ANKRD6: variants seen among roughly 807,000 people sequenced by gnomAD.
The protein encoded by ANKRD6 is ankyrin repeat domain 6, also known as ankyrin repeat domain-containing protein 6.
In ANKRD6, 56 loss-of-function variants were observed where a neutral mutation model predicts 82.3. The observed-to-expected ratio is 0.68, with a 90% CI of 0.55 to 0.85. ANKRD6 has a LOEUF of 0.85. Ranked by LOEUF, ANKRD6 falls within the 40% of genes least tolerant of loss-of-function variation. The pLI, the probability that ANKRD6 is intolerant of heterozygous loss-of-function variation, is 0.00. For missense variants in ANKRD6, 852 were observed against 907.6 expected (o/e 0.94, Z 0.79); for synonymous variants, 347 against 352.1 (o/e 0.99, Z 0.16).
chr6:89,554,092 T>C (rs1487549824), intron 1 of ANKRD6, among the ~76,000 whole-genome samples: 1 of 152,206 alleles, frequency 6.6e-6, no homozygotes, highest in Non-Finnish European at 1.5e-5. Context: ...GAAGAGTTAT[T>C]GAGCATCCAT....
intron 1 of ANKRD6, among the ~76,000 whole-genome samples, chr6:89,551,091 C>A (rs962312665): frequency 2.6e-5 from 4 of 152,118 alleles, no homozygotes; most frequent in African/African-American, 9.7e-5. Flanking sequence ...TAAATTCAAT[C>A]AGAGAGAATC....
chr6:89,442,636 C>CAAAAA (rs59245345), intron 1 of ANKRD6, among the ~76,000 whole-genome samples: 3 of 97,476 alleles, frequency 3.1e-5, no homozygotes, highest in Non-Finnish European at 4.1e-5. Context: ...AACCCTGTCT[C>CAAAAA]AAAAAAAAAA....
intron 1 of ANKRD6, among the ~76,000 whole-genome samples, chr6:89,557,419 G>C (rs1030750595): frequency 1.3e-5 from 2 of 152,122 alleles, no homozygotes; most frequent in Non-Finnish European, 2.9e-5. Flanking sequence ...ATCGTCCAAG[G>C]GATGGTTAGG....
chr6:89,456,459 G>T (rs570039241), intron 1 of ANKRD6, among the ~76,000 whole-genome samples: 11 of 152,272 alleles, frequency 7.2e-5, no homozygotes, highest in African/African-American at 2.6e-4. Flanking sequence ...GGCTTCAGAT[G>T]GCCACCTTCT....
intron 1 of ANKRD6, among the ~76,000 whole-genome samples, chr6:89,440,315 C>T (rs902476274): frequency 1.3e-5 from 2 of 152,072 alleles, no homozygotes; most frequent in African/African-American, 2.4e-5. Context: ...TTAGCGATGG[C>T]GAATTGTAGG....
chr6:89,475,441 C>A (rs1018065967), intron 1 of ANKRD6, among the ~76,000 whole-genome samples: 10 of 152,152 alleles, frequency 6.6e-5, no homozygotes, highest in African/African-American at 9.7e-5. Context: ...TCAATTGATT[C>A]TGTTTGTTAG....
At chr6:89,600,596 C>T (rs1328259784) in intron 3 of ANKRD6, among the ~76,000 whole-genome samples, 1 of 152,176 alleles carries the variant, frequency 6.6e-6, no homozygotes, top group African/African-American at 2.4e-5. Context: ...GCGTGAGCTG[C>T]AGTCGCGTGG....
At chr6:89,557,062 AT>A (rs1786695530) in intron 1 of ANKRD6, among the ~76,000 whole-genome samples, 1 of 152,292 alleles carries the variant, frequency 6.6e-6, no homozygotes, top group Admixed American at 6.5e-5. Flanking sequence ...AGGGAAATAG[AT>A]AGCTAGATGA....
At chr6:89,531,444 G>GATATTTT (rs1417938279) in intron 1 of ANKRD6, among the ~76,000 whole-genome samples, 7 of 152,242 alleles carry the variant, frequency 4.6e-5, no homozygotes, top group African/African-American at 1.7e-4. Context: ...GAAGCATCTT[G>GATATTTT]ATATTTTATG....
intron 2 of ANKRD6, among the ~76,000 whole-genome samples, chr6:89,589,394 T>C (rs1457883213): frequency 6.6e-6 from 1 of 152,134 alleles, no homozygotes; most frequent in African/African-American, 2.4e-5. Flanking sequence ...ACATAACGCC[T>C]TGGTCTACCT....
At chr6:89,445,946 G>C (rs2127946845) in intron 1 of ANKRD6, among the ~76,000 whole-genome samples, 1 of 152,278 alleles carries the variant, frequency 6.6e-6, no homozygotes, top group East Asian at 1.9e-4. Context: ...AAATAAGAAG[G>C]AGAACTTAAT....
intron 1 of ANKRD6, among the ~76,000 whole-genome samples, chr6:89,482,441 A>C (rs74798487): frequency 0.056 from 8,476 of 152,234 alleles, 262 homozygotes; most frequent in South Asian, 0.13. Flanking sequence ...TTTTTAAATC[A>C]ATTTTTTTAT....
chr6:89,457,601 AT>A (rs1773649376), intron 1 of ANKRD6, among the ~76,000 whole-genome samples: 1 of 152,208 alleles, frequency 6.6e-6, no homozygotes, highest in Non-Finnish European at 1.5e-5. Context: ...CTATTAATAG[AT>A]TTATCTTCAA....
At chr6:89,506,653 C>A (rs902251202) in intron 1 of ANKRD6, among the ~76,000 whole-genome samples, 7 of 152,216 alleles carry the variant, frequency 4.6e-5, no homozygotes, top group African/African-American at 1.7e-4. Flanking sequence ...TATACCTCAA[C>A]GAAGCTGGAC....
intron 1 of ANKRD6, among the ~76,000 whole-genome samples, chr6:89,456,121 C>T (rs903990200): frequency 6.6e-5 from 10 of 152,140 alleles, no homozygotes; most frequent in East Asian, 1.9e-4. Flanking sequence ...GTGATCCACC[C>T]GCTTTGGCCT....
chr6:89,509,664 G>A (rs186086184), intron 1 of ANKRD6, among the ~76,000 whole-genome samples: 77 of 152,120 alleles, frequency 5.1e-4, no homozygotes, highest in African/African-American at 1.8e-3. Context: ...TGGTACTTGC[G>A]GCATTAGCAC....
Position 89,631,274 on chromosome 6 carries a change from A to T in ANKRD6, c.*270A>T. On this transcript the variant is annotated 3_prime_UTR_variant, in exon 16 of 16. Coordinates refer to ENST00000339746, the MANE Select transcript of ANKRD6 (RefSeq NM_001242809.2). ...AGTCCAGGTTAATCTGAAGTTTGAA[A>T]GCTCAGATTAAGCAAGCCATGCCAA... The T allele has an allele frequency of 2.7e-6, 1 of 363,984 alleles. No individual in the cohort carries two copies. Among genetic ancestry groups the T allele is most frequent in the Non-Finnish European group, 4.5e-6 (1 of 222,896 alleles). The allele number at this position is 363,984 out of a possible 1,614,324, so 22.5% of individuals were successfully genotyped here.
At chr6:89,528,160 T>C (rs1400661352) in intron 1 of ANKRD6, among the ~76,000 whole-genome samples, 1 of 152,238 alleles carries the variant, frequency 6.6e-6, no homozygotes, top group Non-Finnish European at 1.5e-5. Flanking sequence ...ATTGATTGAC[T>C]CTTCTTTCAC....
intron 2 of ANKRD6, among the ~76,000 whole-genome samples, chr6:89,574,087 G>A (rs940536521): frequency 6.6e-6 from 1 of 152,188 alleles, no homozygotes; most frequent in Admixed American, 6.5e-5. Context: ...AGAGGAGAAA[G>A]GCACTGAATT....
Sources: gnomAD v4.1 joint callset for allele counts (sites outside exome capture counted in the v4.1 genomes callset) on GRCh38, gnomAD v4.1.1 for gene constraint, MANE v1.5 for transcripts, NCBI Gene and HGNC (gene_info 2026-07-23, HGNC 2026-07-21) for gene names.